The following DSCAM variants were observed in gnomAD, a reference collection of about 807,000 sequenced individuals.
The protein encoded by DSCAM is DS cell adhesion molecule, also known as cell adhesion molecule DSCAM.
DSCAM carries 47 observed loss-of-function variants against 217.7 expected under a neutral mutation model. The ratio of observed to expected loss-of-function variants is 0.22; its 90% CI spans 0.17 to 0.28. DSCAM has a LOEUF of 0.28. DSCAM is among the 10% of genes least tolerant of loss of function. DSCAM has a pLI of 1.00. For synonymous variants in DSCAM, 1,056 were observed against 1,015.3 expected (o/e 1.04, Z -0.76); for missense variants, 2,080 against 2,618.3 (o/e 0.79, Z 4.49).
At chr21:40,670,492 C>T (rs961505387) in intron 3 of DSCAM, among the ~76,000 whole-genome samples, 4 of 145,174 alleles carry the variant, frequency 2.8e-5, no homozygotes, top group East Asian at 4.1e-4. Flanking sequence ...GAGCCGAGAT[C>T]GCGCCATTGC....
At chr21:40,188,008 A>T (rs536623147) in intron 12 of DSCAM, 21 bp from the exon 13 acceptor site, 2 of 1,595,332 alleles carry the variant, frequency 1.3e-6, no homozygotes, top group East Asian at 4.5e-5. Context: ...AGCAGAAAGA[A>T]ATTCATCTTT....
intron 3 of DSCAM, among the ~76,000 whole-genome samples, chr21:40,528,839 G>T (rs2076420241): frequency 6.6e-6 from 1 of 151,218 alleles, no homozygotes; most frequent in Non-Finnish European, 1.5e-5. Context: ...AGCAGTCAGA[G>T]CCTCCTCATG....
Position 40,584,718 on chromosome 21 carries a change from G to A in DSCAM, c.508+108092C>T, listed in dbSNP as rs150927495. 8.4e-3 allele frequency among the ~76,000 whole-genome samples: 1,273 copies of A among 152,162 alleles called. 7 individuals carry two copies. Among genetic ancestry groups the A allele is most frequent in the Non-Finnish European group, 0.012 (818 of 67,996 alleles). ...CAGGTCCTGCGGAGGGGGTTCTCTC[G>A]GTCCAGGAAGCGCTGTAGGTGGGAG... is the stretch of plus-strand genomic sequence containing the variant. On this transcript the variant is annotated intron_variant, in intron 3 of 32. Transcript: ENST00000400454.
chr21:40,798,635 A>G (rs530836377), intron 1 of DSCAM, among the ~76,000 whole-genome samples: 53 of 152,254 alleles, frequency 3.5e-4, no homozygotes, highest in African/African-American at 1.2e-3. Flanking sequence ...TGTTGTCATT[A>G]TAAGTGTAAT....
At chr21:40,083,058 G>T (rs188726744) in intron 24 of DSCAM, among the ~76,000 whole-genome samples, 3 of 152,270 alleles carry the variant, frequency 2.0e-5, no homozygotes, top group Admixed American at 2.0e-4. Context: ...TATGGTACAG[G>T]CCCTCTTTCC....
intron 3 of DSCAM, among the ~76,000 whole-genome samples, chr21:40,633,746 T>C (rs67044568): frequency 0.083 from 12,684 of 152,186 alleles, 1,238 homozygotes; most frequent in African/African-American, 0.23. Flanking sequence ...TGGGGATGCA[T>C]GGAGTCAAAA....
intron 14 of DSCAM, among the ~76,000 whole-genome samples, chr21:40,179,902 G>C (rs1371818978): frequency 6.6e-6 from 1 of 152,214 alleles, no homozygotes; most frequent in Non-Finnish European, 1.5e-5. Flanking sequence ...GTGGTCGACA[G>C]CTGGTATTGG....
At chr21:40,585,194 T>TA (rs1057170571) in intron 3 of DSCAM, among the ~76,000 whole-genome samples, 3 of 149,090 alleles carry the variant, frequency 2.0e-5, no homozygotes, top group East Asian at 3.9e-4. Flanking sequence ...TTTTTTTTTT[T>TA]ACAACTTACC....
At chr21:40,817,139 A>G (rs938931053) in intron 1 of DSCAM, among the ~76,000 whole-genome samples, 1 of 151,492 alleles carries the variant, frequency 6.6e-6, no homozygotes, top group African/African-American at 2.4e-5. Context: ...GTTTCTAAGC[A>G]ATTTCAGGTT....
At chr21:40,072,870 C>A (rs958942627) in intron 27 of DSCAM, among the ~76,000 whole-genome samples, 3 of 152,116 alleles carry the variant, frequency 2.0e-5, no homozygotes, top group African/African-American at 7.2e-5. Context: ...AAACTATTTC[C>A]GGAGAATGAA....
At chr21:40,397,916 TATTACCACCACCATTACTACTGCAACA>T (rs1569103751) in intron 3 of DSCAM, among the ~76,000 whole-genome samples, 1 of 152,052 alleles carries the variant, frequency 6.6e-6, no homozygotes, top group Non-Finnish European at 1.5e-5. Context: ...GCTATACCAT[TATTACCACCACCATTACTACTGCAACA>T]ATTACCACCA....
chr21:40,081,479 G>C (rs888847886), intron 24 of DSCAM, among the ~76,000 whole-genome samples: 1 of 151,826 alleles, frequency 6.6e-6, no homozygotes, highest in Non-Finnish European at 1.5e-5. Context: ...CTCACCACTG[G>C]CCTTCTGTGG....
At chr21:40,405,410 C>T (rs1159383643) in intron 3 of DSCAM, among the ~76,000 whole-genome samples, 1 of 151,980 alleles carries the variant, frequency 6.6e-6, no homozygotes. Flanking sequence ...AAAAGTGGTC[C>T]CCAGTAGAAA....
chr21:40,156,152 A>C (rs1365997976), intron 16 of DSCAM, among the ~76,000 whole-genome samples: 4 of 151,972 alleles, frequency 2.6e-5, no homozygotes, highest in Non-Finnish European at 5.9e-5. Flanking sequence ...GTATGGAGAC[A>C]AACTGAGTCC....
rs539948242 is a variant in DSCAM, at chr21:40,084,953, A to T, written c.4132+649T>A. Among the ~76,000 whole-genome samples, 34 of 152,080 alleles carry T rather than the reference A, an allele frequency of 2.2e-4. 2 individuals carry two copies. The South Asian group carries it at 6.8e-3, about 31-fold the overall frequency. On this transcript the variant is annotated intron_variant, in intron 23 of 32. Coordinates refer to ENST00000400454, the MANE Select transcript of DSCAM (RefSeq NM_001389.5). ...TGCTGTAATCTATTAATGTGACAAC[A>T]CCTAAATCCAAAGAAGCACACACTT...
chr21:40,095,728 A>G (rs532032389), intron 20 of DSCAM, among the ~76,000 whole-genome samples: 1 of 152,366 alleles, frequency 6.6e-6, no homozygotes, highest in Admixed American at 6.5e-5. Context: ...CCAGGAAAAC[A>G]TAATTCATAA....
At chr21:40,026,677 C>A (rs199832135) in intron 32 of DSCAM, among the ~76,000 whole-genome samples, 5 of 139,168 alleles carry the variant, frequency 3.6e-5, no homozygotes, top group East Asian at 2.4e-4. Flanking sequence ...CTGTTTTATC[C>A]GAGACTAGGA....
chr21:40,612,957 C>T (rs571995702), intron 3 of DSCAM, among the ~76,000 whole-genome samples: 2 of 152,194 alleles, frequency 1.3e-5, no homozygotes, highest in South Asian at 4.2e-4. Flanking sequence ...ATCTTTAATC[C>T]TTGTCCCTTT....
At chr21:40,159,301 T>G (rs1601396223) in intron 16 of DSCAM, among the ~76,000 whole-genome samples, 1 of 152,340 alleles carries the variant, frequency 6.6e-6, no homozygotes, top group East Asian at 1.9e-4. Flanking sequence ...GTATCTCACT[T>G]GATTTCTCTG....
Sources: allele counts gnomAD v4.1 joint callset (sites outside exome capture counted in the v4.1 genomes callset), GRCh38; gene constraint gnomAD v4.1.1; transcripts MANE v1.5; gene names NCBI Gene and HGNC (gene_info 2026-07-23, HGNC 2026-07-21).